PTER: variants seen among roughly 807,000 people sequenced by gnomAD.
The protein encoded by PTER is phosphotriesterase related, also known as N-acetyltaurine hydrolase.
PTER carries 38 observed loss-of-function variants against 29.6 expected under a neutral mutation model. That is an observed-to-expected ratio of 1.28 (90% CI 0.99 to 1.68). The LOEUF (loss-of-function observed/expected upper bound fraction) is 1.68. Among genes scored for constraint, PTER ranks in the 40% most tolerant of loss-of-function variants. The pLI, the probability that PTER is intolerant of heterozygous loss-of-function variation, is 0.00. For missense variants in PTER, 482 were observed against 427.8 expected, an observed-to-expected ratio of 1.13 and a Z score of -1.12; for synonymous variants, 172 against 154.5, an observed-to-expected ratio of 1.11 and a Z score of -0.84.
At chr10:16,469,456 C>G (rs1047465491) in intron 1 of PTER, among the ~76,000 whole-genome samples, 2 of 152,120 alleles carry the variant, frequency 1.3e-5, no homozygotes, top group African/African-American at 4.8e-5. Flanking sequence ...TTACTGGAAT[C>G]CATCTGTGAG....
At chr10:16,495,997 G>A (rs1370534482) in intron 3 of PTER, among the ~76,000 whole-genome samples, 11 of 152,128 alleles carry the variant, frequency 7.2e-5, no homozygotes, top group Non-Finnish European at 1.6e-4. Flanking sequence ...TTCTCCTCCT[G>A]CGTGGCTGTC....
At chr10:16,446,023 T>C (rs565424565) in intron 1 of PTER, among the ~76,000 whole-genome samples, 7 of 152,252 alleles carry the variant, frequency 4.6e-5, no homozygotes, top group African/African-American at 1.4e-4. Context: ...GTAAAGTGCA[T>C]CTTCAAGAGT....
intron 1 of PTER, among the ~76,000 whole-genome samples, chr10:16,466,171 T>C (rs1158050649): frequency 6.6e-6 from 1 of 152,102 alleles, no homozygotes; most frequent in African/African-American, 2.4e-5. Context: ...TCATCAATTA[T>C]GGTGTTGACT....
intron 1 of PTER, among the ~76,000 whole-genome samples, chr10:16,483,344 C>G (rs748433430): frequency 6.6e-5 from 10 of 152,156 alleles, no homozygotes; most frequent in Non-Finnish European, 1.3e-4. Context: ...GTGCCCTAGA[C>G]AATCAAGCAT....
intron 4 of PTER, among the ~76,000 whole-genome samples, chr10:16,509,741 T>C (rs1014371081): frequency 4.6e-5 from 7 of 152,194 alleles, no homozygotes; most frequent in African/African-American, 1.7e-4. Flanking sequence ...CAGGATAGTA[T>C]ACAAATTTCA....
intron 1 of PTER, among the ~76,000 whole-genome samples, chr10:16,454,975 T>TGG (rs1834343283): frequency 6.6e-6 from 1 of 152,208 alleles, no homozygotes; most frequent in Non-Finnish European, 1.5e-5. Flanking sequence ...ATGCCTGTGA[T>TGG]CCCAGCACTT....
At chr10:16,474,658 C>T (rs547280120) in intron 1 of PTER, among the ~76,000 whole-genome samples, 3 of 151,896 alleles carry the variant, frequency 2.0e-5, no homozygotes, top group Admixed American at 6.6e-5. Flanking sequence ...GAGGCCGAGG[C>T]AGGTGGATCA....
chr10:16,465,502 C>T (rs960492434), intron 1 of PTER, among the ~76,000 whole-genome samples: 2 of 152,112 alleles, frequency 1.3e-5, no homozygotes, highest in African/African-American at 4.8e-5. Flanking sequence ...AGCAGTTTTT[C>T]TTAATATTTC....
chr10:16,466,382 A>G (rs1167890182), intron 1 of PTER, among the ~76,000 whole-genome samples: 1 of 151,638 alleles, frequency 6.6e-6, no homozygotes, highest in Non-Finnish European at 1.5e-5. Flanking sequence ...TTGAGACAGA[A>G]TTTTGCCCTG....
At position 16,511,379 on chromosome 10, in the gene PTER, G is replaced by A. The variant is rs1836807201; in HGVS notation, c.*123G>A. The A allele has an allele frequency of 2.2e-6, 2 of 896,258 alleles. No homozygotes were observed. The highest frequency in any genetic ancestry group is 3.5e-6 in the Non-Finnish European group (2 of 576,568). 55.5% of individuals were successfully genotyped at this position (896,258 alleles called of 1,614,324 possible). The stretch of plus-strand genomic sequence containing the variant: ...TAATGACAGATCATTTCCTTCTGAT[G>A]AGAACTAGGAGGGTTTGCCTTCTCT... On this transcript the variant is annotated 3_prime_UTR_variant, in exon 5 of 5. Coordinates refer to ENST00000535784, the MANE Select transcript of PTER (RefSeq NM_001261836.2).
At chr10:16,486,293 G>A (rs1320832216) in intron 2 of PTER, 59 bp from the exon 3 acceptor site, 5 of 1,433,912 alleles carry the variant, frequency 3.5e-6, no homozygotes, top group East Asian at 4.6e-5. Context: ...ATACTGTGGT[G>A]GATCTATTTT....
chr10:16,444,437 GTT>G (rs748849296), intron 1 of PTER, among the ~76,000 whole-genome samples: 1 of 145,924 alleles, frequency 6.9e-6, no homozygotes. Context: ...ACCACGCCTG[GTT>G]TTTTTTTTTT....
At chr10:16,498,003 A>G (rs1173195123) in intron 3 of PTER, among the ~76,000 whole-genome samples, 2 of 152,138 alleles carry the variant, frequency 1.3e-5, no homozygotes, top group African/African-American at 4.8e-5. Flanking sequence ...TTACTAGTTG[A>G]GCAAAAGTAT....
At chr10:16,517,403 C>T (rs568772271), downstream of PTER, among the ~76,000 whole-genome samples, 3 of 152,098 alleles carry the variant, frequency 2.0e-5, no homozygotes, top group East Asian at 5.8e-4. Context: ...TTAAGAGTAC[C>T]AACTGGTCTT....
In PTER at chr10:16,495,584, A is replaced by G. The variant is rs192554346; in HGVS notation, c.698+8967A>G. Among the ~76,000 whole-genome samples, 744 of 152,302 alleles carry G rather than the reference A, an allele frequency of 4.9e-3. 4 individuals carry two copies. The highest frequency in any genetic ancestry group is 7.8e-3 in the Non-Finnish European group (531 of 68,018). ...CTGTTGTTATTTTATTTGTATGCCA[A>G]TTTTTAAAACATACTTGATCAAGTC... On this transcript the variant is annotated intron_variant, in intron 3 of 4. Coordinates refer to ENST00000535784, the MANE Select transcript of PTER (RefSeq NM_001261836.2).
chr10:16,495,258 C>A (rs1259090249), intron 3 of PTER, among the ~76,000 whole-genome samples: 1 of 151,574 alleles, frequency 6.6e-6, no homozygotes, highest in Non-Finnish European at 1.5e-5. Context: ...GCAACCTCCA[C>A]CTCCCAGGTT....
chr10:16,456,864 G>GGGGC (rs113926500), intron 1 of PTER, among the ~76,000 whole-genome samples: 17,557 of 146,030 alleles, frequency 0.12, 1,716 homozygotes, highest in South Asian at 0.25. Context: ...GGGGAAGGTG[G>GGGGC]GGGGGGGTTC....
chr10:16,468,968 C>A (rs1232097867), intron 1 of PTER, among the ~76,000 whole-genome samples: 1 of 150,470 alleles, frequency 6.6e-6, no homozygotes, highest in Non-Finnish European at 1.5e-5. Context: ...GAGTGAGACC[C>A]TGTCTCTTAA....
chr10:16,453,888 G>GTATC (rs1337171276), intron 1 of PTER, among the ~76,000 whole-genome samples: 1 of 152,144 alleles, frequency 6.6e-6, no homozygotes, highest in East Asian at 1.9e-4. Flanking sequence ...CATAGAACTT[G>GTATC]TATCTGGAAG....
Sources: allele counts gnomAD v4.1 joint callset (sites outside exome capture counted in the v4.1 genomes callset), GRCh38; gene constraint gnomAD v4.1.1; transcripts MANE v1.5; gene names NCBI Gene and HGNC (gene_info 2026-07-23, HGNC 2026-07-21).